Variants in AFF3 observed in about 807,000 individuals in gnomAD.
The protein encoded by AFF3 is AF4/FMR2 family member 3.
AFF3 carries 32 observed loss-of-function variants against 129.7 expected under a neutral mutation model. That is an observed-to-expected ratio of 0.25 (90% CI 0.19 to 0.33). The LOEUF (loss-of-function observed/expected upper bound fraction) is 0.33. AFF3 is among the 10% of genes least tolerant of loss of function. The probability of loss-of-function intolerance (pLI) is 1.00; values close to 1 mark genes in which losing one functional copy is unlikely to be tolerated. For missense variants in AFF3, 1,373 were observed against 1,592.0 expected (o/e 0.86, Z 2.34); for synonymous variants, 644 against 635.4 (o/e 1.01, Z -0.20).
At chr2:99,712,164 C>T (rs1189963157) in intron 11 of AFF3, among the ~76,000 whole-genome samples, 1 of 152,226 alleles carries the variant, frequency 6.6e-6, no homozygotes, top group Non-Finnish European at 1.5e-5. Flanking sequence ...ATGAATGGGT[C>T]CTAAAATATT....
intron 7 of AFF3, among the ~76,000 whole-genome samples, chr2:99,921,250 T>C (rs1341870980): frequency 1.3e-5 from 2 of 152,138 alleles, no homozygotes; most frequent in African/African-American, 2.4e-5. Flanking sequence ...AGTCTCATCA[T>C]GAAAAGAATT....
At chr2:99,746,196 C>T (rs1466498454) in intron 9 of AFF3, among the ~76,000 whole-genome samples, 2 of 150,854 alleles carry the variant, frequency 1.3e-5, no homozygotes, top group African/African-American at 4.9e-5. Flanking sequence ...AAAAAGGTAG[C>T]AGGACATAAA....
At chr2:99,637,695 G>A (rs1683794105) in intron 13 of AFF3, among the ~76,000 whole-genome samples, 1 of 152,104 alleles carries the variant, frequency 6.6e-6, no homozygotes, top group Non-Finnish European at 1.5e-5. Flanking sequence ...TTCTACTTCA[G>A]AAATAGATAT....
At chr2:99,634,566 A>G (rs1016965942) in intron 13 of AFF3, among the ~76,000 whole-genome samples, 36 of 152,092 alleles carry the variant, frequency 2.4e-4, no homozygotes, top group Non-Finnish European at 8.8e-5. Flanking sequence ...TGGTGTAGAG[A>G]AGGGAGCAAA....
chr2:99,988,520 T>C (rs1396125155), intron 7 of AFF3, among the ~76,000 whole-genome samples: 2 of 152,198 alleles, frequency 1.3e-5, no homozygotes, highest in Admixed American at 6.5e-5. Flanking sequence ...TAGTGTTTTC[T>C]AGCATAAGTT....
chr2:99,859,242 T>G (rs779329654), intron 7 of AFF3, among the ~76,000 whole-genome samples: 1 of 152,232 alleles, frequency 6.6e-6, no homozygotes, highest in Non-Finnish European at 1.5e-5. Flanking sequence ...CTCTTCAGAA[T>G]AGCTGGAGCT....
chr2:99,674,085 T>C (rs1687405769), intron 11 of AFF3, among the ~76,000 whole-genome samples: 1 of 152,214 alleles, frequency 6.6e-6, no homozygotes, highest in Admixed American at 6.5e-5. Context: ...ATTTAAGGCA[T>C]TGCCATCAGG....
intron 7 of AFF3, among the ~76,000 whole-genome samples, chr2:99,920,319 C>T (rs1695767205): frequency 6.6e-6 from 1 of 151,810 alleles, no homozygotes; most frequent in Non-Finnish European, 1.5e-5. Flanking sequence ...ACATTATCAT[C>T]TAGAAACATA....
chr2:100,065,856 C>T (rs1439040594), intron 4 of AFF3, among the ~76,000 whole-genome samples: 1 of 152,098 alleles, frequency 6.6e-6, no homozygotes, highest in African/African-American at 2.4e-5. Flanking sequence ...CACTTATCTG[C>T]TTAAAATTAA....
At chr2:99,653,011 C>T (rs1685412662) in intron 12 of AFF3, among the ~76,000 whole-genome samples, 1 of 152,184 alleles carries the variant, frequency 6.6e-6, no homozygotes, top group Admixed American at 6.5e-5. Flanking sequence ...CAGTCCCTCT[C>T]CTGTGCTCTT....
chr2:100,059,254 C>CCA (rs777058214), intron 4 of AFF3, among the ~76,000 whole-genome samples: 1 of 31,022 alleles, frequency 3.2e-5, no homozygotes, highest in African/African-American at 1.5e-4. Context: ...ACTCTGTCTC[C>CCA]AAAAAAAAAA....
Position 99,547,696 on chromosome 2 carries a change from T to C in AFF3, c.*3778A>G. The C allele has an allele frequency of 4.8e-6, 1 of 210,040 alleles. No homozygotes were observed. Among genetic ancestry groups the C allele is most frequent in the Non-Finnish European group, 9.7e-6 (1 of 103,258 alleles). The allele number at this position is 210,040 out of a possible 1,614,324, so 13.0% of individuals were successfully genotyped here. ...ACACGCAGTGACTCATACTCAATATTAGGCACTAGTAATATCCTTCAGGCG... is the reference window on the plus strand; with the variant it reads ...ACACGCAGTGACTCATACTCAATATCAGGCACTAGTAATATCCTTCAGGCG... On this transcript the variant is annotated 3_prime_UTR_variant, in exon 25 of 25. Transcript: ENST00000672756.
At chr2:99,946,473 TAAAAAAAAAAA>T (rs55672296) in intron 7 of AFF3, among the ~76,000 whole-genome samples, 5 of 50,484 alleles carry the variant, frequency 9.9e-5, no homozygotes, top group Admixed American at 2.6e-4. Flanking sequence ...GACGCCATCT[TAAAAAAAAAAA>T]AAAAAAAAAA....
chr2:99,649,341 A>G (rs534371279), intron 13 of AFF3, among the ~76,000 whole-genome samples: 1 of 152,336 alleles, frequency 6.6e-6, no homozygotes, highest in East Asian at 1.9e-4. Context: ...AGCCAGTTCC[A>G]AAGTTCAGAA....
intron 2 of AFF3, among the ~76,000 whole-genome samples, chr2:100,128,099 A>G (rs1468857739): frequency 6.6e-6 from 1 of 151,840 alleles, no homozygotes; most frequent in Non-Finnish European, 1.5e-5. Context: ...AAGTTACTCT[A>G]TATCATCTAA....
intron 7 of AFF3, among the ~76,000 whole-genome samples, chr2:99,843,592 A>G (rs1689483163): frequency 6.6e-6 from 1 of 152,234 alleles, no homozygotes; most frequent in Non-Finnish European, 1.5e-5. Context: ...TTCAATACTC[A>G]ATTTTAGGGT....
intron 11 of AFF3, among the ~76,000 whole-genome samples, chr2:99,693,124 A>G (rs1675847809): frequency 6.6e-6 from 1 of 152,240 alleles, no homozygotes; most frequent in Non-Finnish European, 1.5e-5. Context: ...AACCAAATGG[A>G]AATTAAGAGA....
chr2:99,671,810 T>G (rs945248370), intron 12 of AFF3, among the ~76,000 whole-genome samples: 5 of 152,178 alleles, frequency 3.3e-5, no homozygotes, highest in African/African-American at 1.2e-4. Context: ...GTCTTTAGTG[T>G]TTTTAAACTT....
chr2:100,053,866 A>C (rs1257060018), intron 4 of AFF3, among the ~76,000 whole-genome samples: 1 of 152,208 alleles, frequency 6.6e-6, no homozygotes, highest in Non-Finnish European at 1.5e-5. Flanking sequence ...GTTTGTGTAC[A>C]AAAGGAAGAG....
Sources: allele counts gnomAD v4.1 joint callset (sites outside exome capture counted in the v4.1 genomes callset), GRCh38; gene constraint gnomAD v4.1.1; transcripts MANE v1.5; gene names NCBI Gene and HGNC (gene_info 2026-07-23, HGNC 2026-07-21).